The following DLGAP2 variants were observed in gnomAD, a reference collection of about 807,000 sequenced individuals.
DLGAP2 encodes disks large-associated protein 2.
A neutral mutation model predicts 100.3 loss-of-function variants in DLGAP2; 26 were observed. That is an observed-to-expected ratio of 0.26 (90% CI 0.19 to 0.36). The LOEUF (loss-of-function observed/expected upper bound fraction) is 0.36, where lower values mean the gene tolerates loss of function less well. Ranked by LOEUF, DLGAP2 falls within the 10% of genes least tolerant of loss-of-function variation. DLGAP2 has a pLI of 1.00. For missense variants in DLGAP2, 1,858 were observed against 1,453.2 expected, an observed-to-expected ratio of 1.28 and a Z score of -4.53; for synonymous variants, 886 against 630.1, an observed-to-expected ratio of 1.41 and a Z score of -6.08.
intron 3 of DLGAP2, among the ~76,000 whole-genome samples, chr8:1,454,986 A>C (rs1384931660): frequency 6.6e-6 from 1 of 152,116 alleles, no homozygotes; most frequent in Non-Finnish European, 1.5e-5. Context: ...CACCCATGGT[A>C]AGGCACAGCC....
chr8:856,749 AC>A (rs1370177823), intron 1 of DLGAP2, among the ~76,000 whole-genome samples: 1 of 152,186 alleles, frequency 6.6e-6, no homozygotes, highest in African/African-American at 2.4e-5. Flanking sequence ...ATGGGGAGGC[AC>A]CCCATATCCC....
intron 2 of DLGAP2, among the ~76,000 whole-genome samples, chr8:1,212,155 A>C (rs1168162164): frequency 6.6e-6 from 1 of 152,190 alleles, no homozygotes; most frequent in Non-Finnish European, 1.5e-5. Flanking sequence ...ATCACAAGAA[A>C]AGGGCAAAAT....
chr8:1,501,551 T>C, intron 4 of DLGAP2, 120 bp downstream of exon 4: 6 of 972,412 alleles, frequency 6.2e-6, no homozygotes, highest in Non-Finnish European at 9.0e-6. Flanking sequence ...GAAAGGGAGC[T>C]AAGAAGAACT....
intron 3 of DLGAP2, among the ~76,000 whole-genome samples, chr8:1,392,636 C>T (rs934822692): frequency 5.3e-5 from 8 of 152,150 alleles, no homozygotes; most frequent in African/African-American, 7.2e-5. Flanking sequence ...TGTGGAAACC[C>T]GTGGGGAGTC....
chr8:1,551,131 G>T (rs540467781), intron 5 of DLGAP2, among the ~76,000 whole-genome samples: 1 of 152,352 alleles, frequency 6.6e-6, no homozygotes, highest in East Asian at 1.9e-4. Flanking sequence ...GCCTTTGCAG[G>T]CAGATTTATT....
At chr8:907,837 C>G in intron 1 of DLGAP2, 75 bp from the exon 2 acceptor site, 1 of 398,028 alleles carries the variant, frequency 2.5e-6, no homozygotes, top group Non-Finnish European at 4.4e-6. Flanking sequence ...AGAAGAAACA[C>G]TCGCAACAGT....
intron 2 of DLGAP2, among the ~76,000 whole-genome samples, chr8:1,018,035 C>G (rs1013541439): frequency 6.6e-6 from 1 of 152,112 alleles, no homozygotes; most frequent in Non-Finnish European, 1.5e-5. Flanking sequence ...GCTCACTGAC[C>G]CCTGCCCCTA....
intron 6 of DLGAP2, among the ~76,000 whole-genome samples, chr8:1,572,698 T>G (rs1374547353): frequency 4.2e-5 from 3 of 72,082 alleles, no homozygotes; most frequent in Admixed American, 1.6e-4. Context: ...GGGTGGACTG[T>G]GGGGGTGTCT....
chr8:1,046,677 A>C (rs1427801800), intron 2 of DLGAP2, among the ~76,000 whole-genome samples: 1 of 152,240 alleles, frequency 6.6e-6, no homozygotes, highest in Non-Finnish European at 1.5e-5. Flanking sequence ...CCTTAGCATC[A>C]GTGTCTTGCA....
intron 2 of DLGAP2, among the ~76,000 whole-genome samples, chr8:1,007,642 G>GC (rs1173542913): frequency 2.7e-5 from 4 of 147,514 alleles, no homozygotes; most frequent in African/African-American, 1.0e-4. Context: ...TTTTGGGGGG[G>GC]GGATCTTCTG....
chr8:958,900 C>T (rs1799658198), intron 2 of DLGAP2, among the ~76,000 whole-genome samples: 1 of 152,152 alleles, frequency 6.6e-6, no homozygotes, highest in African/African-American at 2.4e-5. Flanking sequence ...GCAATGAGAA[C>T]ATAAGGTGGC....
chr8:954,250 A>C (rs962632393), intron 2 of DLGAP2, among the ~76,000 whole-genome samples: 26 of 152,214 alleles, frequency 1.7e-4, no homozygotes, highest in Non-Finnish European at 3.1e-4. Flanking sequence ...TTATGTGCGC[A>C]ATACAGTATT....
intron 2 of DLGAP2, among the ~76,000 whole-genome samples, chr8:1,251,304 G>T (rs1216755928): frequency 6.6e-6 from 1 of 152,128 alleles, no homozygotes; most frequent in Non-Finnish European, 1.5e-5. Context: ...GGTTTTCTAT[G>T]AATATTAAGT....
chr8:1,210,105 G>A (rs1011888164), intron 2 of DLGAP2, among the ~76,000 whole-genome samples: 2 of 152,192 alleles, frequency 1.3e-5, no homozygotes, highest in Non-Finnish European at 2.9e-5. Flanking sequence ...TAGGGTGGGT[G>A]CTGGGCCTTG....
intron 2 of DLGAP2, among the ~76,000 whole-genome samples, chr8:1,020,714 A>G (rs1801602283): frequency 6.6e-6 from 1 of 152,214 alleles, no homozygotes; most frequent in African/African-American, 2.4e-5. Flanking sequence ...TCTTTGGTAA[A>G]CATTAAAGAG....
At chr8:1,551,485 C>T (rs1240201078) in intron 5 of DLGAP2, among the ~76,000 whole-genome samples, 1 of 152,192 alleles carries the variant, frequency 6.6e-6, no homozygotes, top group African/African-American at 2.4e-5. Flanking sequence ...TCCACAGGTC[C>T]TGTGCCCCTT....
At chr8:1,143,844 C>G (rs1270801438) in intron 2 of DLGAP2, among the ~76,000 whole-genome samples, 1 of 152,218 alleles carries the variant, frequency 6.6e-6, no homozygotes, top group Non-Finnish European at 1.5e-5. Context: ...TGCACCTGTG[C>G]CCCTCACTGA....
chr8:1,066,141 G>A (rs1207361361), intron 2 of DLGAP2, among the ~76,000 whole-genome samples: 1 of 151,472 alleles, frequency 6.6e-6, no homozygotes, highest in South Asian at 2.1e-4. Context: ...AGCGAGGACA[G>A]CTCCCCACCA....
chr8:1,234,188 C>T (rs926425603), intron 2 of DLGAP2, among the ~76,000 whole-genome samples: 1 of 152,220 alleles, frequency 6.6e-6, no homozygotes, highest in Admixed American at 6.5e-5. Context: ...CGGCTGTTGT[C>T]GTAGGTGGTG....
Sources: allele counts gnomAD v4.1 joint callset (sites outside exome capture counted in the v4.1 genomes callset), GRCh38; gene constraint gnomAD v4.1.1; transcripts MANE v1.5; gene names NCBI Gene and HGNC (gene_info 2026-07-23, HGNC 2026-07-21).